Variants in DDRGK1 observed in about 807,000 individuals in gnomAD.
DDRGK1 encodes DDRGK domain containing 1.
Under a neutral mutation model 45.8 loss-of-function variants are expected in DDRGK1, and 38 were observed. The observed-to-expected ratio is 0.83, with a 90% CI of 0.64 to 1.09. The LOEUF (loss-of-function observed/expected upper bound fraction) is 1.09. Ranked by LOEUF, DDRGK1 falls within the 50% of genes least tolerant of loss-of-function variation. The pLI is 0.00. For synonymous variants in DDRGK1, 171 were observed against 168.7 expected (o/e 1.01, Z -0.11); for missense variants, 403 against 419.9 (o/e 0.96, Z 0.35).
chr20:3,200,148 A>G (rs1297114108), intron 3 of DDRGK1, 46 bp from the exon 4 acceptor site: 2 of 1,594,080 alleles, frequency 1.3e-6, no homozygotes, highest in Non-Finnish European at 1.7e-6. Flanking sequence ...CCCCGGCTAG[A>G]GTGTGCCCAC....
chr20:3,203,281 G>T lies in DDRGK1; in HGVS notation c.227C>A (p.Ala76Asp). ...RRRDLGSRLQAQRRAQRVAWA... is the reference protein window; with the variant it reads ...RRRDLGSRLQDQRRAQRVAWA... ...GGCCACCCGCTGGGCTCGACGCTGG[G>T]CCTGTAGGCGGCTGCCCAGGTCCCT... The change falls in exon 2 of 9, where the codon GCC becomes GAC. Residue 76 changes from alanine (A) to aspartate (D), a missense_variant. Physicochemically the swap from Ala to Asp is moderately radical, Grantham distance 126. Transcript: ENST00000354488. The T allele has an allele frequency of 6.2e-7, 1 of 1,607,934 alleles. No individual in the cohort carries two copies. The highest frequency in any genetic ancestry group is 8.5e-7 in the Non-Finnish European group (1 of 1,176,670).
At chr20:3,200,540 A>G (rs1448357686) in intron 2 of DDRGK1, 86 bp from the exon 3 acceptor site, 4 of 1,203,390 alleles carry the variant, frequency 3.3e-6, no homozygotes, top group Non-Finnish European at 4.8e-6. Context: ...CCCTCCCCTA[A>G]CAGGGGGATC....
intron 4 of DDRGK1, among the ~76,000 whole-genome samples, chr20:3,197,276 G>A (rs2067015322): frequency 1.3e-5 from 2 of 150,204 alleles, no homozygotes; most frequent in Non-Finnish European, 3.0e-5. Flanking sequence ...GAATAGGGAA[G>A]GAGAGACATA....
intron 7 of DDRGK1, 168 bp downstream of exon 7, chr20:3,191,597 T>C: frequency 1.2e-6 from 1 of 862,952 alleles, no homozygotes; most frequent in South Asian, 1.4e-5. Flanking sequence ...TGTTCGTCCA[T>C]TAAAAATGCA....
In DDRGK1 at chr20:3,203,374, C is replaced by G. The variant is rs945476004; in HGVS notation, c.134G>C (p.Gly45Ala). 6.2e-7 allele frequency: 1 copy of G among 1,604,568 alleles called. No individual in the cohort carries two copies. Residue 45 changes from glycine (G) to alanine (A), a missense_variant, in exon 2 of 9, where the codon GGC becomes GCC. Coordinates refer to ENST00000354488, the MANE Select transcript of DDRGK1 (RefSeq NM_023935.3). ...CAGGGGCCCAGGCTGGGCCACCCGGCCTGCTCCTGCCAGCTCCTCATTGTG... is the reference window on the plus strand; with the variant it reads ...CAGGGGCCCAGGCTGGGCCACCCGGGCTGCTCCTGCCAGCTCCTCATTGTG... Reference protein sequence around the residue: ...PLHNEELAGAGRVAQPGPLEP... With the variant: ...PLHNEELAGAARVAQPGPLEP...
At position 3,194,841 on chromosome 20, in the gene DDRGK1, T is replaced by G; in HGVS notation, c.661A>C (p.Asn221His). The part of the protein sequence containing the change: ...QSQSFLTEFI[N>H]YIKQSKVVLL... Reference sequence around the variant, plus strand: ...CAGTGGCTTCTTACCTTGATGTAGTTGATGAACTCTGTCAGGAAGCTCTGG... The same window carrying G: ...CAGTGGCTTCTTACCTTGATGTAGTGGATGAACTCTGTCAGGAAGCTCTGG... Residue 221 changes from asparagine to histidine, a missense_variant, in exon 6 of 9, where the codon AAC (asparagine) becomes CAC (histidine). Asn to His is a moderately conservative substitution (Grantham distance 68). Transcript: ENST00000354488. 1 of 1,614,128 alleles carries G rather than the reference T, an allele frequency of 6.2e-7. No individual in the cohort carries two copies.
At chr20:3,204,507 C>T (rs200467073) in intron 1 of DDRGK1, 30 bp downstream of exon 1, 4 of 1,540,886 alleles carry the variant, frequency 2.6e-6, no homozygotes, top group African/African-American at 2.7e-5. Flanking sequence ...AACCCGGTAC[C>T]ACCAACCCTG....
At chr20:3,192,157 C>T (rs1189899264) in intron 6 of DDRGK1, among the ~76,000 whole-genome samples, 2 of 152,008 alleles carry the variant, frequency 1.3e-5, no homozygotes, top group East Asian at 1.9e-4. Context: ...AGCCACCATC[C>T]TCTGCATCCA....
At position 3,190,827 on chromosome 20, in the gene DDRGK1, G is replaced by C; in HGVS notation, c.779-8C>G. 1 of 1,607,854 alleles carries C rather than the reference G, an allele frequency of 6.2e-7. No homozygotes were observed. ...CCCGGTCGTCAATCACACCTGTGGG[G>C]ACATGCAGGTTGTGGGGCTGAGGCC... is the stretch of plus-strand genomic sequence containing the variant. On this transcript the variant is annotated splice_polypyrimidine_tract_variant and splice_region_variant and intron_variant, in intron 8 of 8. Transcript: ENST00000354488.
At position 3,203,410 on chromosome 20, in the gene DDRGK1, T is replaced by C; in HGVS notation, c.98A>G (p.Gln33Arg). 1 of 1,569,108 alleles carries C rather than the reference T, an allele frequency of 6.4e-7. No homozygotes were observed. The highest frequency in any genetic ancestry group is 8.6e-7 in the Non-Finnish European group (1 of 1,158,074). ...CAGCTCCTCATTGTGCAGTGGCTCT[T>C]GGCCGGCTGTAGGGAAGACAGAAAT... ...RSRGRAASAG[Q>R]EPLHNEELAG... is the part of the protein sequence containing the mutation. The change falls in exon 2 of 9, where the codon CAA becomes CGA. Residue 33 changes from glutamine to arginine, a missense_variant. Transcript: ENST00000354488.
At chr20:3,198,715 A>C (rs73076855) in intron 4 of DDRGK1, among the ~76,000 whole-genome samples, 14,574 of 139,574 alleles carry the variant, frequency 0.1, 1,515 homozygotes, top group Non-Finnish European at 0.16. Flanking sequence ...AAAAAAAAAA[A>C]AAAACAAAAC....
At chr20:3,190,953 ATCC>A in intron 8 of DDRGK1, 134 bp from the exon 9 acceptor site, 1 of 1,365,928 alleles carries the variant, frequency 7.3e-7, no homozygotes, top group South Asian at 1.4e-5. Context: ...TCCTGGCTGC[ATCC>A]AGTCCTGCTA....
chr20:3,194,995 C>A, intron 5 of DDRGK1, 127 bp from the exon 6 acceptor site: 1 of 1,374,500 alleles, frequency 7.3e-7, no homozygotes, highest in Non-Finnish European at 1.0e-6. Context: ...GCCCGCCCAA[C>A]CACCTGCACA....
Position 3,198,557 on chromosome 20 carries a change from G to A in DDRGK1, c.510+1444C>T, listed in dbSNP as rs563783704. ...CTCTACTAAAAATACAAAATTAGCCGGGCGTGGTGGCACATGCCTGTAATC... is the reference window on the plus strand; with the variant it reads ...CTCTACTAAAAATACAAAATTAGCCAGGCGTGGTGGCACATGCCTGTAATC... On this transcript the variant is annotated intron_variant, in intron 4 of 8. Coordinates refer to ENST00000354488, the MANE Select transcript of DDRGK1 (RefSeq NM_023935.3). Among the ~76,000 whole-genome samples the A allele has an allele frequency of 8.6e-5, 13 of 150,524 alleles. No individual in the cohort carries two copies. In the East Asian group the frequency reaches 1.4e-3, roughly 16 times the overall value.
At position 3,203,217 on chromosome 20, in the gene DDRGK1, G is replaced by A. The variant is rs1455096137; in HGVS notation, c.291C>T (p.Ile97=). ...ACCAGGCTGGGCCCCTCTCACCTAG[G>A]ATGACAGCTTCCTCCTCGTTCTCAT... ...EADENEEEAV[I]LAQEEEGVEK... The change falls in exon 2 of 9, where the codon ATC becomes ATT. Residue 97 remains isoleucine (I), a synonymous_variant. Coordinates refer to ENST00000354488, the MANE Select transcript of DDRGK1 (RefSeq NM_023935.3). 3 of 1,580,602 alleles carry A rather than the reference G, an allele frequency of 1.9e-6. No individual in the cohort carries two copies. The highest frequency in any genetic ancestry group is 2.6e-6 in the Non-Finnish European group (3 of 1,161,582).
At chr20:3,200,892 C>G (rs887596987) in intron 2 of DDRGK1, among the ~76,000 whole-genome samples, 4 of 152,156 alleles carry the variant, frequency 2.6e-5, no homozygotes, top group African/African-American at 9.7e-5. Context: ...GGGCGGATCA[C>G]GAGGTTAGGA....
In DDRGK1 at chr20:3,204,537, C is replaced by T; in HGVS notation, c.91G>A (p.Ala31Thr). 2 of 1,559,554 alleles carry T rather than the reference C, an allele frequency of 1.3e-6. No individual in the cohort carries two copies. The highest frequency in any genetic ancestry group is 1.7e-6 in the Non-Finnish European group (2 of 1,159,262). ...LTRSRGRAAS[A>T]GQEPLHNEEL... ...ACCCTGGTGCAGCGGCATCTCCTACCTGATGCCGCCCGGCCCCGGCTGCGA... is the reference window on the plus strand; with the variant it reads ...ACCCTGGTGCAGCGGCATCTCCTACTTGATGCCGCCCGGCCCCGGCTGCGA... Residue 31 changes from alanine to threonine, a missense_variant and splice_region_variant, in exon 1 of 9, where the codon GCC becomes ACC. By Grantham distance (58) the Ala-to-Thr change is moderately conservative. Transcript: ENST00000354488.
At chr20:3,197,008 A>C (rs2067013980) in intron 4 of DDRGK1, among the ~76,000 whole-genome samples, 1 of 152,052 alleles carries the variant, frequency 6.6e-6, no homozygotes, top group South Asian at 2.1e-4. Context: ...GGATCACCTG[A>C]GGTCAGGAGT....
intron 4 of DDRGK1, among the ~76,000 whole-genome samples, chr20:3,195,882 T>C (rs1260486411): frequency 1.3e-5 from 2 of 152,114 alleles, no homozygotes; most frequent in Non-Finnish European, 2.9e-5. Context: ...AGGTCTCATA[T>C]GTCTGTCCTC....
Sources: allele counts gnomAD v4.1 joint callset (sites outside exome capture counted in the v4.1 genomes callset), GRCh38; gene constraint gnomAD v4.1.1; transcripts MANE v1.5; gene names NCBI Gene and HGNC (gene_info 2026-07-23, HGNC 2026-07-21).